The following UBAC2 variants were observed in gnomAD, a reference collection of about 807,000 sequenced individuals.
UBAC2 encodes ubiquitin-associated domain-containing protein 2.
In UBAC2, 26 loss-of-function variants were observed where a neutral mutation model predicts 44.0. The observed-to-expected ratio is 0.59, with a 90% CI of 0.43 to 0.82. The LOEUF is 0.82. UBAC2 is among the 40% of genes least tolerant of loss of function. The pLI, the probability that UBAC2 is intolerant of heterozygous loss-of-function variation, is 0.00. For synonymous variants in UBAC2, 155 were observed against 154.3 expected, an observed-to-expected ratio of 1.00 and a Z score of -0.04; for missense variants, 329 against 419.4, an observed-to-expected ratio of 0.78 and a Z score of 1.88.
chr13:99,211,678 G>A (rs1460838149), intron 1 of UBAC2, among the ~76,000 whole-genome samples: 2 of 152,210 alleles, frequency 1.3e-5, no homozygotes, highest in Non-Finnish European at 1.5e-5. Flanking sequence ...CTGAGGAGCA[G>A]GTCTAGGATT....
At chr13:99,288,902 G>C (rs1483465384) in intron 4 of UBAC2, among the ~76,000 whole-genome samples, 1 of 152,200 alleles carries the variant, frequency 6.6e-6, no homozygotes, top group African/African-American at 2.4e-5. Flanking sequence ...TGTTCAGGGT[G>C]TCATGCCCAG....
intron 1 of UBAC2, among the ~76,000 whole-genome samples, chr13:99,223,252 TTAAG>T (rs1258035421): frequency 6.6e-6 from 1 of 152,204 alleles, no homozygotes; most frequent in Non-Finnish European, 1.5e-5. Flanking sequence ...TTCAGTGACA[TTAAG>T]TACATTCACA....
At position 99,383,678 on chromosome 13, in the gene UBAC2, A is replaced by T. The variant is rs1378417709; in HGVS notation, c.928-1550A>T. ...TGAAAGCAACGTTCCGGGGAGGAGC[A>T]CGCTCACTGCGTGCATTTGTAAGCC... On this transcript the variant is annotated intron_variant, in intron 8 of 8. Transcript: ENST00000403766. Among the ~76,000 whole-genome samples, 3 of 152,250 alleles carry T rather than the reference A, an allele frequency of 2.0e-5. No homozygotes were observed. The South Asian group carries it at 6.2e-4, about 32-fold the overall frequency.
intron 4 of UBAC2, among the ~76,000 whole-genome samples, chr13:99,280,624 G>T (rs968964087): frequency 6.6e-6 from 1 of 152,186 alleles, no homozygotes; most frequent in Admixed American, 6.5e-5. Flanking sequence ...GCTTTTGAAA[G>T]AGCAGGATCT....
chr13:99,255,970 C>T lies in UBAC2; in HGVS notation c.389+11346C>T, dbSNP rs150488971. Reference sequence around the variant, plus strand: ...GGTTAAAAAATAAATGCTTAACATTCTCCCACTCAGCTTGACTGCCAGTGA... The same window carrying T: ...GGTTAAAAAATAAATGCTTAACATTTTCCCACTCAGCTTGACTGCCAGTGA... On this transcript the variant is annotated intron_variant, in intron 4 of 8. Transcript: ENST00000403766. 48 of 1,189,940 alleles carry T rather than the reference C, an allele frequency of 4.0e-5. No individual in the cohort carries two copies. In the East Asian group the frequency reaches 1.0e-3, roughly 26 times the overall value. 73.7% of individuals were successfully genotyped at this position (1,189,940 alleles called of 1,614,324 possible).
intron 4 of UBAC2, among the ~76,000 whole-genome samples, chr13:99,282,124 C>G (rs567958163): frequency 3.7e-4 from 57 of 152,218 alleles, no homozygotes; most frequent in Non-Finnish European, 1.5e-4. Context: ...GGCAGCATCA[C>G]TGGCCTCCAC....
chr13:99,367,552 T>C (rs1284151808), intron 7 of UBAC2, among the ~76,000 whole-genome samples: 1 of 152,222 alleles, frequency 6.6e-6, no homozygotes, highest in Non-Finnish European at 1.5e-5. Flanking sequence ...CAAAGAGCTT[T>C]TACACTGCCT....
At chr13:99,272,788 G>C (rs2043832859) in intron 4 of UBAC2, among the ~76,000 whole-genome samples, 1 of 152,106 alleles carries the variant, frequency 6.6e-6, no homozygotes, top group Non-Finnish European at 1.5e-5. Context: ...CACCACATTG[G>C]GGGCTAGTGC....
At chr13:99,373,860 A>T (rs909842742) in intron 8 of UBAC2, among the ~76,000 whole-genome samples, 6 of 152,128 alleles carry the variant, frequency 3.9e-5, no homozygotes, top group Non-Finnish European at 7.4e-5. Context: ...CACAAGAAAC[A>T]CCATCATTGG....
At chr13:99,266,011 G>A (rs914831566) in intron 4 of UBAC2, among the ~76,000 whole-genome samples, 2 of 152,106 alleles carry the variant, frequency 1.3e-5, no homozygotes, top group Admixed American at 6.5e-5. Flanking sequence ...TTTCCATACC[G>A]ATTGATAGTT....
At chr13:99,249,080 A>G (rs2043425500) in intron 4 of UBAC2, among the ~76,000 whole-genome samples, 1 of 152,134 alleles carries the variant, frequency 6.6e-6, no homozygotes, top group Non-Finnish European at 1.5e-5. Flanking sequence ...TTTTATGAGT[A>G]TATTGCATGA....
At chr13:99,334,042 G>T (rs891085597) in intron 6 of UBAC2, among the ~76,000 whole-genome samples, 2 of 152,070 alleles carry the variant, frequency 1.3e-5, no homozygotes, top group African/African-American at 4.8e-5. Flanking sequence ...CGAATTCTTG[G>T]GTCAAGTGAC....
intron 6 of UBAC2, among the ~76,000 whole-genome samples, chr13:99,321,508 A>G (rs2044568712): frequency 6.6e-6 from 1 of 152,124 alleles, no homozygotes; most frequent in South Asian, 2.1e-4. Context: ...ACGAGGTTTC[A>G]CCATGTTGGC....
At chr13:99,351,833 T>C (rs1452017765) in intron 7 of UBAC2, 4 of 453,522 alleles carry the variant, frequency 8.8e-6, no homozygotes, top group Non-Finnish European at 1.8e-5. Flanking sequence ...CCTCATCTCA[T>C]TGGGCTGCCC....
chr13:99,339,739 A>G (rs1594143576), intron 6 of UBAC2, among the ~76,000 whole-genome samples: 1 of 152,198 alleles, frequency 6.6e-6, no homozygotes, highest in South Asian at 2.1e-4. Context: ...ATGACCTTCA[A>G]GATGAAGACA....
chr13:99,210,552 G>C (rs2042926045), intron 1 of UBAC2, among the ~76,000 whole-genome samples: 1 of 146,808 alleles, frequency 6.8e-6, no homozygotes, highest in Admixed American at 6.9e-5. Context: ...ATCTCGGCTT[G>C]CTGCAACCTC....
chr13:99,338,901 C>T (rs1294540335), intron 6 of UBAC2, among the ~76,000 whole-genome samples: 1 of 152,206 alleles, frequency 6.6e-6, no homozygotes, highest in African/African-American at 2.4e-5. Flanking sequence ...TCTTCACTGG[C>T]AGCCCTGTCT....
chr13:99,351,363 A>G (rs2045085162), intron 7 of UBAC2: 4 of 355,302 alleles, frequency 1.1e-5, no homozygotes, highest in South Asian at 6.6e-5. Context: ...GTTTTTGTAC[A>G]ATCTGAAGCT....
At chr13:99,233,461 T>G (rs2043198920) in intron 1 of UBAC2, among the ~76,000 whole-genome samples, 1 of 152,168 alleles carries the variant, frequency 6.6e-6, no homozygotes, top group African/African-American at 2.4e-5. Flanking sequence ...ACAGGGATCC[T>G]TAGAGAAATT....
Sources: allele counts gnomAD v4.1 joint callset (sites outside exome capture counted in the v4.1 genomes callset), GRCh38; gene constraint gnomAD v4.1.1; transcripts MANE v1.5; gene names NCBI Gene and HGNC (gene_info 2026-07-23, HGNC 2026-07-21).